The following OSBPL1A variants were observed in gnomAD, a reference collection of about 807,000 sequenced individuals.
OSBPL1A encodes the protein oxysterol binding protein like 1A.
OSBPL1A carries 80 observed loss-of-function variants against 137.1 expected under a neutral mutation model. The ratio of observed to expected loss-of-function variants is 0.58; its 90% CI spans 0.49 to 0.70. The LOEUF (loss-of-function observed/expected upper bound fraction) is 0.70, where lower values mean the gene tolerates loss of function less well. Among genes scored for constraint, OSBPL1A ranks in the 30% least tolerant of loss-of-function variants. The pLI is 0.00. For missense variants in OSBPL1A, 970 were observed against 1,129.4 expected (o/e 0.86, Z 2.02); for synonymous variants, 365 against 389.7 (o/e 0.94, Z 0.75).
At chr18:24,245,024 C>T (rs183680965) in intron 15 of OSBPL1A, among the ~76,000 whole-genome samples, 2 of 152,288 alleles carry the variant, frequency 1.3e-5, no homozygotes, top group African/African-American at 4.8e-5. Context: ...ACAGGATAAG[C>T]CTTACTCTTT....
intron 2 of OSBPL1A, among the ~76,000 whole-genome samples, chr18:24,373,965 T>C (rs944132034): frequency 2.2e-4 from 33 of 152,216 alleles, no homozygotes; most frequent in African/African-American, 7.9e-4. Flanking sequence ...CAGCTTTACA[T>C]TTCCAAGTAG....
intron 1 of OSBPL1A, among the ~76,000 whole-genome samples, chr18:24,378,992 A>G (rs1262091232): frequency 6.6e-6 from 1 of 152,216 alleles, no homozygotes; most frequent in Non-Finnish European, 1.5e-5. Flanking sequence ...GAAGAAAAGC[A>G]ACCTAGAGAA....
At chr18:24,268,779 C>A (rs140091215) in intron 15 of OSBPL1A, among the ~76,000 whole-genome samples, 1 of 152,102 alleles carries the variant, frequency 6.6e-6, no homozygotes, top group African/African-American at 2.4e-5. Context: ...CTTGTTCAAG[C>A]GTCTTCTCCT....
chr18:24,187,279 T>C lies in OSBPL1A; in HGVS notation c.1678-6000A>G, dbSNP rs115505681. ...GTGTTTCGAGGGGACGGTTTCAGTT[T>C]TGCAAGCTGAAGAGAGTTCTGTGGA... On this transcript the variant is annotated intron_variant, in intron 18 of 27. Transcript: ENST00000319481. Among the ~76,000 whole-genome samples the C allele has an allele frequency of 3.0e-3, 450 of 152,248 alleles. 1 individual carries two copies. Among genetic ancestry groups the C allele is most frequent in the African/African-American group, 0.01 (434 of 41,548 alleles).
intron 16 of OSBPL1A, among the ~76,000 whole-genome samples, chr18:24,231,983 C>A (rs1029822670): frequency 1.3e-5 from 2 of 152,174 alleles, no homozygotes; most frequent in Admixed American, 1.3e-4. Context: ...ATGTCCAAGT[C>A]ACCCTTCCTC....
intron 17 of OSBPL1A, chr18:24,218,202 AATT>A (rs2087767891): frequency 6.6e-6 from 1 of 152,236 alleles, no homozygotes; most frequent in Non-Finnish European, 1.5e-5. Context: ...ATAATTAAGA[AATT>A]ATTATTATAC....
intron 4 of OSBPL1A, among the ~76,000 whole-genome samples, chr18:24,354,126 CAGG>C (rs994519338): frequency 1.3e-5 from 2 of 151,418 alleles, no homozygotes; most frequent in Admixed American, 1.3e-4. Flanking sequence ...TATCTATAAA[CAGG>C]AGGTTAAAAA....
intron 21 of OSBPL1A, among the ~76,000 whole-genome samples, chr18:24,175,362 C>A (rs929744653): frequency 6.7e-6 from 1 of 150,218 alleles, no homozygotes; most frequent in Non-Finnish European, 1.5e-5. Flanking sequence ...TTTTTAAAAT[C>A]TTTTACTAGA....
chr18:24,362,091 G>T (rs553382240), intron 4 of OSBPL1A, among the ~76,000 whole-genome samples: 2 of 152,092 alleles, frequency 1.3e-5, no homozygotes, highest in African/African-American at 4.8e-5. Flanking sequence ...CAGGAATCCT[G>T]GAAGAGTATA....
intron 1 of OSBPL1A, among the ~76,000 whole-genome samples, chr18:24,381,087 CTT>C (rs2146208888): frequency 6.6e-6 from 1 of 152,202 alleles, no homozygotes; most frequent in East Asian, 1.9e-4. Flanking sequence ...AAAGGAAAGA[CTT>C]TATTCAGGAC....
At chr18:24,248,761 T>TA (rs914389715) in intron 15 of OSBPL1A, among the ~76,000 whole-genome samples, 19 of 152,216 alleles carry the variant, frequency 1.2e-4, no homozygotes, top group Non-Finnish European at 2.1e-4. Flanking sequence ...AAAGACTTGG[T>TA]AAATAAATAG....
chr18:24,175,053 A>G (rs2086388142), intron 21 of OSBPL1A, among the ~76,000 whole-genome samples: 1 of 146,112 alleles, frequency 6.8e-6, no homozygotes, highest in African/African-American at 2.6e-5. Context: ...AACTGGAATT[A>G]TAGGTGTGAG....
chr18:24,219,112 G>A (rs1364511525), intron 17 of OSBPL1A, among the ~76,000 whole-genome samples: 2 of 151,810 alleles, frequency 1.3e-5, no homozygotes, highest in Non-Finnish European at 1.5e-5. Flanking sequence ...GGGTAACATA[G>A]CAAGGCCTCA....
intron 17 of OSBPL1A, among the ~76,000 whole-genome samples, chr18:24,220,075 G>A (rs1242720913): frequency 6.6e-6 from 1 of 152,270 alleles, no homozygotes; most frequent in South Asian, 2.1e-4. Context: ...GTGGCCTGCT[G>A]GCTTTTAGTC....
intron 7 of OSBPL1A, among the ~76,000 whole-genome samples, chr18:24,328,782 A>C (rs74765474): frequency 2.6e-5 from 4 of 152,222 alleles, no homozygotes; most frequent in Non-Finnish European, 4.4e-5. Context: ...CTGTAAGTGC[A>C]GAAATACACA....
At chr18:24,211,324 G>A (rs2087536646) in intron 17 of OSBPL1A, among the ~76,000 whole-genome samples, 1 of 152,190 alleles carries the variant, frequency 6.6e-6, no homozygotes, top group South Asian at 2.1e-4. Flanking sequence ...ACAGTTAGAA[G>A]AGTAGCACTG....
In OSBPL1A at chr18:24,261,730, G is replaced by A. The variant is rs182892604; in HGVS notation, c.1281+19112C>T. Among the ~76,000 whole-genome samples the A allele has an allele frequency of 3.3e-3, 508 of 152,190 alleles. 4 individuals are homozygous for A. Among genetic ancestry groups the A allele is most frequent in the African/African-American group, 0.012 (488 of 41,514 alleles). On this transcript the variant is annotated intron_variant, in intron 15 of 27. Coordinates refer to ENST00000319481, the MANE Select transcript of OSBPL1A (RefSeq NM_080597.4). ...TGCCTGTGGTCCCAGCTATGAGGAA[G>A]GCTAACTTGGGACGATCATCTGACC... is the stretch of plus-strand genomic sequence containing the variant.
At chr18:24,175,104 G>GTATATATATA (rs775433072) in intron 21 of OSBPL1A, among the ~76,000 whole-genome samples, 734 of 42,488 alleles carry the variant, frequency 0.017, 37 homozygotes, top group Admixed American at 0.058. Flanking sequence ...TTTGCCATGT[G>GTATATATATA]TATGTATATA....
Position 24,207,661 on chromosome 18 carries a change from T to C in OSBPL1A, c.1602-11461A>G, listed in dbSNP as rs557822095. On this transcript the variant is annotated intron_variant, in intron 17 of 27. Coordinates refer to ENST00000319481, the MANE Select transcript of OSBPL1A (RefSeq NM_080597.4). ...AACATTGACAATCTGTATGTATACA[T>C]GTATACTGTTATACGTGTGTTTTGC... is the stretch of plus-strand genomic sequence containing the variant. Among the ~76,000 whole-genome samples the C allele has an allele frequency of 2.6e-5, 4 of 152,366 alleles. No individual in the cohort carries two copies. The East Asian group carries it at 5.8e-4, about 22-fold the overall frequency.
Sources: allele counts gnomAD v4.1 joint callset (sites outside exome capture counted in the v4.1 genomes callset), GRCh38; gene constraint gnomAD v4.1.1; transcripts MANE v1.5; gene names NCBI Gene and HGNC (gene_info 2026-07-23, HGNC 2026-07-21).